CDC42BPA: variants seen among roughly 807,000 people sequenced by gnomAD.
CDC42BPA encodes the protein CDC42 binding protein kinase alpha.
CDC42BPA carries 80 observed loss-of-function variants against 223.5 expected under a neutral mutation model. The ratio of observed to expected loss-of-function variants is 0.36; its 90% CI spans 0.30 to 0.43. The LOEUF is 0.43. Among genes scored for constraint, CDC42BPA ranks in the 20% least tolerant of loss-of-function variants. CDC42BPA has a pLI of 1.00. For missense variants in CDC42BPA, 1,743 were observed against 2,099.9 expected, an observed-to-expected ratio of 0.83 and a Z score of 3.32; for synonymous variants, 694 against 718.6, an observed-to-expected ratio of 0.97 and a Z score of 0.55.
intron 1 of CDC42BPA, among the ~76,000 whole-genome samples, chr1:227,255,206 T>TA (rs1249903376): frequency 6.6e-6 from 1 of 152,198 alleles, no homozygotes; most frequent in Admixed American, 6.5e-5. Flanking sequence ...AAGGAACTGA[T>TA]ATGATTAAAG....
chr1:227,072,601 C>T (rs1678623294), intron 19 of CDC42BPA, among the ~76,000 whole-genome samples: 1 of 151,834 alleles, frequency 6.6e-6, no homozygotes, highest in Non-Finnish European at 1.5e-5. Flanking sequence ...CTAAATGAAC[C>T]TTTACAGAAA....
intron 1 of CDC42BPA, among the ~76,000 whole-genome samples, chr1:227,316,601 C>T (rs1694439778): frequency 6.6e-6 from 1 of 152,206 alleles, no homozygotes; most frequent in Non-Finnish European, 1.5e-5. Context: ...ATATCTCCTC[C>T]TATTTTGAGA....
In CDC42BPA at chr1:227,074,338, C is replaced by T; in HGVS notation, c.2507G>A (p.Gly836Glu). Reference sequence around the variant, plus strand: ...TTTAGAAGCTAAGGCCTGAAGATACCCTCGTGCATCCTTTTCATCGCTGAC... The same window carrying T: ...TTTAGAAGCTAAGGCCTGAAGATACTCTCGTGCATCCTTTTCATCGCTGAC... ...QWVSDEKDAR[G>E]YLQALASKMT... The change falls in exon 18 of 37, where the codon GGG becomes GAG. Residue 836 changes from glycine (G) to glutamate (E), a missense_variant. By Grantham distance (98) the Gly-to-Glu change is moderately conservative. Around this residue, in one of 6 missense-constraint regions of CDC42BPA, gnomAD observed 464 missense variants for 488.0 expected, o/e 0.95. Coordinates refer to ENST00000366766, the MANE Select transcript of CDC42BPA (RefSeq NM_001394014.1). The T allele has an allele frequency of 1.2e-6, 2 of 1,613,158 alleles. No individual in the cohort carries two copies. Among genetic ancestry groups the T allele is most frequent in the African/African-American group, 2.7e-5 (2 of 74,964 alleles).
At chr1:227,128,511 G>C (rs528420094) in intron 11 of CDC42BPA, among the ~76,000 whole-genome samples, 1 of 152,046 alleles carries the variant, frequency 6.6e-6, no homozygotes, top group Non-Finnish European at 1.5e-5. Context: ...AGTCTGTTTT[G>C]CTTAATGTTG....
intron 1 of CDC42BPA, among the ~76,000 whole-genome samples, chr1:227,256,423 C>G (rs1683032848): frequency 6.6e-6 from 1 of 152,062 alleles, no homozygotes; most frequent in Non-Finnish European, 1.5e-5. Flanking sequence ...CACCATGGCA[C>G]ATGTATACCT....
chr1:227,274,642 C>A (rs1686615513), intron 1 of CDC42BPA, among the ~76,000 whole-genome samples: 1 of 152,030 alleles, frequency 6.6e-6, no homozygotes, highest in Non-Finnish European at 1.5e-5. Context: ...AGATTTCACA[C>A]CACAGGAGAA....
intron 1 of CDC42BPA, among the ~76,000 whole-genome samples, chr1:227,310,425 C>G (rs1354980695): frequency 6.6e-6 from 1 of 152,066 alleles, no homozygotes; most frequent in Non-Finnish European, 1.5e-5. Context: ...TAAAGGCAAA[C>G]AGTGGGATTG....
At chr1:227,271,593 A>T (rs1444324666) in intron 1 of CDC42BPA, among the ~76,000 whole-genome samples, 1 of 152,128 alleles carries the variant, frequency 6.6e-6, no homozygotes, top group Non-Finnish European at 1.5e-5. Context: ...CCTAACTGGC[A>T]TTCTAGTTCA....
chr1:226,994,525 GGTA>G lies in CDC42BPA; in HGVS notation c.5134-129_5134-127del. 2 of 1,125,152 alleles carry G rather than the reference GGTA, an allele frequency of 1.8e-6. No individual in the cohort carries two copies. The highest frequency in any genetic ancestry group is 3.5e-5 in the South Asian group (2 of 57,188). The allele number at this position is 1,125,152 out of a possible 1,614,324, so 69.7% of individuals were successfully genotyped here. ...AACCCCATGGGGCGGCCTCACTGTC[GGTA>G]TAAAGCCCCTTCTATGAGCTGAGGA... On this transcript the variant is annotated intron_variant, in intron 36 of 36. Coordinates refer to ENST00000366766, the MANE Select transcript of CDC42BPA (RefSeq NM_001394014.1). The surrounding 1 kb of genome is among the most constrained non-coding windows in gnomAD (Gnocchi z 4.0).
intron 2 of CDC42BPA, among the ~76,000 whole-genome samples, chr1:227,229,841 A>G (rs143927478): frequency 1.2e-3 from 184 of 152,254 alleles, no homozygotes; most frequent in African/African-American, 3.9e-3. Context: ...TCTGGAAATT[A>G]CATGTCCTTT....
At chr1:226,997,887 A>C (rs1661963011) in intron 35 of CDC42BPA, among the ~76,000 whole-genome samples, 1 of 152,152 alleles carries the variant, frequency 6.6e-6, no homozygotes, top group Non-Finnish European at 1.5e-5. Context: ...TTTTAGAATA[A>C]GTGTGATGTG....
intron 3 of CDC42BPA, among the ~76,000 whole-genome samples, chr1:227,209,109 T>C (rs9661834): frequency 0.12 from 17,032 of 143,978 alleles, 1,218 homozygotes; most frequent in South Asian, 0.21. Context: ...TTTTATTCTC[T>C]TTGAAGCAAT....
intron 1 of CDC42BPA, among the ~76,000 whole-genome samples, chr1:227,294,390 A>C (rs977356888): frequency 6.6e-6 from 1 of 152,216 alleles, no homozygotes; most frequent in Non-Finnish European, 1.5e-5. Flanking sequence ...AGAGCTTAAG[A>C]TCACACGATA....
chr1:227,312,868 T>C (rs1693759958), intron 1 of CDC42BPA, among the ~76,000 whole-genome samples: 1 of 152,140 alleles, frequency 6.6e-6, no homozygotes, highest in Non-Finnish European at 1.5e-5. Flanking sequence ...CTTCTCTCTC[T>C]TCCTCCCACT....
At chr1:227,161,986 A>C (rs1024775974) in intron 5 of CDC42BPA, among the ~76,000 whole-genome samples, 1 of 152,216 alleles carries the variant, frequency 6.6e-6, no homozygotes, top group East Asian at 1.9e-4. Context: ...AAAGAAGTAC[A>C]GTTTAGTTCT....
intron 10 of CDC42BPA, among the ~76,000 whole-genome samples, chr1:227,136,899 G>A (rs1212533338): frequency 6.6e-6 from 1 of 152,040 alleles, no homozygotes; most frequent in Non-Finnish European, 1.5e-5. Context: ...AACAATAAAG[G>A]AAGTTTTTTA....
At chr1:227,042,297 G>GATATATATATATAT (rs10544091) in intron 23 of CDC42BPA, among the ~76,000 whole-genome samples, 1 of 147,608 alleles carries the variant, frequency 6.8e-6, no homozygotes, top group Non-Finnish European at 1.5e-5. Flanking sequence ...ATACATATAT[G>GATATATATATATAT]ATATATATAT....
chr1:227,294,366 A>G (rs1425793104), intron 1 of CDC42BPA, among the ~76,000 whole-genome samples: 1 of 152,188 alleles, frequency 6.6e-6, no homozygotes, highest in Non-Finnish European at 1.5e-5. Context: ...AAGATTTTAC[A>G]ATAATATAGA....
chr1:227,234,907 T>C (rs1020816278), intron 2 of CDC42BPA: 16 of 137,516 alleles, frequency 1.2e-4, no homozygotes, highest in African/African-American at 4.2e-4. Flanking sequence ...GTATGAGATT[T>C]TGTGATTTTT....
Sources: gnomAD v4.1 joint callset for allele counts (sites outside exome capture counted in the v4.1 genomes callset) on GRCh38, gnomAD v4.1.1 for gene constraint, gnomAD v4.1.1 regional missense constraint, Gnocchi (gnomAD v3.1) non-coding constraint, MANE v1.5 for transcripts, NCBI Gene and HGNC (gene_info 2026-07-23, HGNC 2026-07-21) for gene names.